Variants in RBFOX1 observed in about 807,000 individuals in gnomAD.
RBFOX1 encodes RNA binding fox-1 homolog 1, also known as RNA binding protein fox-1 homolog 1.
In RBFOX1, 8 loss-of-function variants were observed where a neutral mutation model predicts 57.7. The observed-to-expected ratio is 0.14, with a 90% CI of 0.08 to 0.25. RBFOX1 has a LOEUF of 0.25. Ranked by LOEUF, RBFOX1 falls within the 10% of genes least tolerant of loss-of-function variation. RBFOX1 has a pLI of 1.00. For missense variants in RBFOX1, 611 were observed against 548.5 expected (o/e 1.11, Z -1.14); for synonymous variants, 326 against 222.4 (o/e 1.47, Z -4.15).
intron 4 of RBFOX1, among the ~76,000 whole-genome samples, chr16:5,889,890 C>G (rs2058004204): frequency 6.6e-6 from 1 of 152,226 alleles, no homozygotes; most frequent in East Asian, 1.9e-4. Context: ...AGAGGAGAGA[C>G]TGGATGCGGC....
intron 3 of RBFOX1, among the ~76,000 whole-genome samples, chr16:6,886,537 G>A (rs2064070199): frequency 6.6e-6 from 1 of 152,040 alleles, no homozygotes; most frequent in South Asian, 2.1e-4. Context: ...TAGATCACCT[G>A]AGTTCAGGAG....
intron 2 of RBFOX1, among the ~76,000 whole-genome samples, chr16:6,548,100 A>G (rs548611142): frequency 1.3e-5 from 2 of 152,330 alleles, no homozygotes; most frequent in East Asian, 1.9e-4. Context: ...AAGGATACAC[A>G]TATTTCACAT....
chr16:7,340,593 C>A (rs753938602), intron 4 of RBFOX1, among the ~76,000 whole-genome samples: 1 of 152,170 alleles, frequency 6.6e-6, no homozygotes, highest in African/African-American at 2.4e-5. Flanking sequence ...ACACAATAAT[C>A]AGTGCAAGAT....
chr16:6,221,429 C>G (rs1364196373), intron 1 of RBFOX1, among the ~76,000 whole-genome samples: 1 of 152,144 alleles, frequency 6.6e-6, no homozygotes, highest in Non-Finnish European at 1.5e-5. Flanking sequence ...CCAGATAACA[C>G]TTAGAGAGCC....
rs1375749488 is a variant in RBFOX1, at chr16:6,118,790, TCTCTC to T, written c.-127+98799_-127+98803del. Among the ~76,000 whole-genome samples the T allele has an allele frequency of 5.9e-3, 881 of 148,846 alleles. 6 individuals are homozygous for T. The highest frequency in any genetic ancestry group is 0.021 in the African/African-American group (822 of 39,260). On this transcript the variant is annotated intron_variant, in intron 1 of 15. Transcript: ENST00000550418. ...CTCCCTCTCTTTCTCCCTCTCTTTCTCTCTCTCCTTCCTTCCTTCCTTCCTTCCCT... is the reference window on the plus strand; with the variant it reads ...CTCCCTCTCTTTCTCCCTCTCTTTCTTCCTTCCTTCCTTCCTTCCTTCCCT...
chr16:6,227,072 C>G (rs972168061), intron 1 of RBFOX1, among the ~76,000 whole-genome samples: 1 of 151,596 alleles, frequency 6.6e-6, no homozygotes, highest in African/African-American at 2.4e-5. Flanking sequence ...TGCAGTGAGC[C>G]GAGATTGTGC....
At chr16:5,287,367 T>C (rs2063421764) in intron 1 of RBFOX1, among the ~76,000 whole-genome samples, 1 of 152,060 alleles carries the variant, frequency 6.6e-6, no homozygotes, top group African/African-American at 2.4e-5. Context: ...TCTGGGTAGG[T>C]AACTGGTAGT....
intron 1 of RBFOX1, among the ~76,000 whole-genome samples, chr16:6,296,988 T>C (rs1271331112): frequency 6.6e-6 from 1 of 152,196 alleles, no homozygotes; most frequent in South Asian, 2.1e-4. Context: ...TGCCCATTTT[T>C]ATGGTTACTT....
At chr16:6,368,925 A>T (rs1472932607) in intron 2 of RBFOX1, among the ~76,000 whole-genome samples, 1 of 152,240 alleles carries the variant, frequency 6.6e-6, no homozygotes, top group Non-Finnish European at 1.5e-5. Context: ...GCAGTGAAAA[A>T]TAAACCAGGA....
chr16:7,682,168 A>C (rs1313878940), intron 14 of RBFOX1, among the ~76,000 whole-genome samples: 1 of 152,162 alleles, frequency 6.6e-6, no homozygotes, highest in Non-Finnish European at 1.5e-5. Flanking sequence ...AGTTTTAGAC[A>C]TCCAATTTTG....
chr16:6,511,437 T>C (rs2096253115), intron 2 of RBFOX1, among the ~76,000 whole-genome samples: 1 of 152,202 alleles, frequency 6.6e-6, no homozygotes, highest in East Asian at 1.9e-4. Flanking sequence ...TCCTGCTCTG[T>C]TCCTAGGCCC....
intron 2 of RBFOX1, among the ~76,000 whole-genome samples, chr16:6,441,125 T>G (rs802319): frequency 2.6e-5 from 4 of 151,972 alleles, no homozygotes; most frequent in African/African-American, 9.7e-5. Context: ...GTTGCTCTCA[T>G]TGAGGAGGAT....
rs74004657 is a variant in RBFOX1 at position 5,865,214 on chromosome 16, C to A, written c.319-2089C>A. Among the ~76,000 whole-genome samples, 1,377 of 152,216 alleles carry A rather than the reference C, an allele frequency of 9.0e-3. 27 individuals carry two copies. The highest frequency in any genetic ancestry group is 0.032 in the African/African-American group (1,325 of 41,520). On this transcript the variant is annotated intron_variant, in intron 3 of 19. Coordinates refer to the RBFOX1 transcript ENST00000641259. Reference sequence around the variant, plus strand: ...GAATATCATATTTCCCTGACATATTCCTGTTGGTTTTCAGCAGAGAAATAC... The same window carrying A: ...GAATATCATATTTCCCTGACATATTACTGTTGGTTTTCAGCAGAGAAATAC...
At chr16:7,554,813 A>C (rs1449366493) in intron 5 of RBFOX1, among the ~76,000 whole-genome samples, 1 of 152,142 alleles carries the variant, frequency 6.6e-6, no homozygotes, top group Non-Finnish European at 1.5e-5. Flanking sequence ...CATTATCACC[A>C]TGTTCTAACC....
chr16:6,084,960 G>A (rs1296589639), intron 1 of RBFOX1, among the ~76,000 whole-genome samples: 1 of 152,162 alleles, frequency 6.6e-6, no homozygotes, highest in Non-Finnish European at 1.5e-5. Context: ...AAAAGAGCTT[G>A]ATAGTGATCA....
chr16:6,933,171 C>CTT (rs2076832897), intron 3 of RBFOX1, among the ~76,000 whole-genome samples: 1 of 152,172 alleles, frequency 6.6e-6, no homozygotes. Context: ...TCCTTCCACA[C>CTT]TTGAGTTACT....
intron 1 of RBFOX1, among the ~76,000 whole-genome samples, chr16:6,060,624 T>C (rs559470546): frequency 6.6e-6 from 1 of 152,262 alleles, no homozygotes; most frequent in African/African-American, 2.4e-5. Context: ...CATGCATGTG[T>C]TGCTAAGCAA....
rs144374980 is a variant in RBFOX1 at position 7,712,034 on chromosome 16, G to GAA, written c.*1294_*1295dup. The GAA allele has an allele frequency of 6.6e-6, 1 of 152,352 alleles. No homozygotes were observed. Among genetic ancestry groups the GAA allele is most frequent in the Non-Finnish European group, 1.5e-5 (1 of 67,982 alleles). 9.4% of individuals were successfully genotyped at this position (152,352 alleles called of 1,614,324 possible). On this transcript the variant is annotated 3_prime_UTR_variant, in exon 16 of 16. Coordinates refer to ENST00000550418, the MANE Select transcript of RBFOX1 (RefSeq NM_018723.4). The stretch of plus-strand genomic sequence containing the variant: ...CACTTGTCAGAAGGATGCAAAAAAA[G>GAA]AAAAAAGTACATCCACCCTCTTAAT...
intron 4 of RBFOX1, among the ~76,000 whole-genome samples, chr16:7,128,858 G>T (rs1470368830): frequency 9.7e-5 from 11 of 113,066 alleles, no homozygotes; most frequent in South Asian, 2.9e-4. Context: ...GTCTCACTTT[G>T]TCGCCAGGCT....
Sources: gnomAD v4.1 joint callset for allele counts (sites outside exome capture counted in the v4.1 genomes callset) on GRCh38, gnomAD v4.1.1 for gene constraint, MANE v1.5 for transcripts, NCBI Gene and HGNC (gene_info 2026-07-23, HGNC 2026-07-21) for gene names.